The following SV2C variants were observed in gnomAD, a reference collection of about 807,000 sequenced individuals.
The protein encoded by SV2C is solute carrier family 22 member B3.
SV2C carries 49 observed loss-of-function variants against 79.7 expected under a neutral mutation model. The ratio of observed to expected loss-of-function variants is 0.61; its 90% CI spans 0.49 to 0.78. The LOEUF (loss-of-function observed/expected upper bound fraction) is 0.78, where lower values mean the gene tolerates loss of function less well. Ranked by LOEUF, SV2C falls within the 30% of genes least tolerant of loss-of-function variation. SV2C has a pLI of 0.00. For synonymous variants in SV2C, 334 were observed against 333.2 expected (o/e 1.00, Z -0.03); for missense variants, 833 against 912.9 (o/e 0.91, Z 1.13).
rs186187838 is a variant in SV2C at position 76,295,063 on chromosome 5, T to C, written c.1338-715T>C. Among the ~76,000 whole-genome samples, 14 of 152,274 alleles carry C rather than the reference T, an allele frequency of 9.2e-5. No homozygotes were observed. In the East Asian group the frequency reaches 2.5e-3, roughly 27 times the overall value. ...GAGCAGACTGGAATGATGAGAAAGA[T>C]ATTGGGGCCAGGATGTCAGATGTCT... On this transcript the variant is annotated intron_variant, in intron 8 of 12. Coordinates refer to ENST00000502798, the MANE Select transcript of SV2C (RefSeq NM_014979.4).
chr5:75,918,293 C>T, the SV2C span, among the ~76,000 whole-genome samples: 97 of 152,294 alleles, frequency 6.4e-4, no homozygotes, highest in Middle Eastern at 3.4e-3. Flanking sequence ...ACAACGATTG[C>T]AGACAAATTT....
At chr5:76,130,145 TAAAAAAAAAA>T (rs375351450) in intron 1 of SV2C, among the ~76,000 whole-genome samples, 73 of 67,834 alleles carry the variant, frequency 1.1e-3, no homozygotes, top group African/African-American at 5.8e-3. Flanking sequence ...TCTCAGTTCT[TAAAAAAAAAA>T]AAAAAAAAAA....
intron 4 of SV2C, chr5:76,242,369 CG>C (rs1409812382): frequency 5.6e-6 from 6 of 1,078,532 alleles, no homozygotes; most frequent in African/African-American, 1.6e-5. Flanking sequence ...TTGGTCGGAC[CG>C]GGGGTCGTTC....
chr5:75,887,438 T>C, the SV2C span, among the ~76,000 whole-genome samples: 1 of 151,950 alleles, frequency 6.6e-6, no homozygotes, highest in Non-Finnish European at 1.5e-5. Context: ...ATTCCACATG[T>C]AAGTGAGATC....
At chr5:76,047,152 C>T in the SV2C span, among the ~76,000 whole-genome samples, 1 of 152,112 alleles carries the variant, frequency 6.6e-6, no homozygotes, top group Admixed American at 6.5e-5. Flanking sequence ...AAGCGTACAG[C>T]TTGATGAATG....
At chr5:76,080,163 A>C (rs368956509), upstream of SV2C, among the ~76,000 whole-genome samples, 6 of 152,120 alleles carry the variant, frequency 3.9e-5, no homozygotes, top group African/African-American at 1.4e-4. Flanking sequence ...TCTTTCACCC[A>C]ATATTGACTT....
chr5:76,014,669 T>G, the SV2C span, among the ~76,000 whole-genome samples: 1 of 151,994 alleles, frequency 6.6e-6, no homozygotes, highest in Non-Finnish European at 1.5e-5. Flanking sequence ...CGCACACACA[T>G]GCATGGACAC....
chr5:76,238,027 TACACACACACACACACACACACACACAC>T (rs796926428), intron 4 of SV2C, among the ~76,000 whole-genome samples: 5 of 122,928 alleles, frequency 4.1e-5, no homozygotes, highest in African/African-American at 1.3e-4. Flanking sequence ...CAATCACACA[TACACACACACACACACACACACACACAC>T]ACACACACAC....
intron 4 of SV2C, among the ~76,000 whole-genome samples, chr5:76,245,795 T>C (rs961373934): frequency 2.0e-5 from 3 of 152,142 alleles, no homozygotes; most frequent in Non-Finnish European, 2.9e-5. Context: ...GATGGAATTA[T>C]TGGAGCCAGG....
At chr5:76,335,676 A>G (rs557158958), downstream of SV2C, among the ~76,000 whole-genome samples, 197 of 151,692 alleles carry the variant, frequency 1.3e-3, no homozygotes, top group African/African-American at 4.3e-3. Context: ...ATCTTGCACC[A>G]CCCTTAATCC....
intron 4 of SV2C, among the ~76,000 whole-genome samples, chr5:76,283,094 C>A (rs1747246507): frequency 1.3e-5 from 2 of 152,018 alleles, no homozygotes. Context: ...GTGGGCAGAT[C>A]ACGAGATCAG....
At chr5:75,919,484 A>G in the SV2C span, among the ~76,000 whole-genome samples, 1 of 152,224 alleles carries the variant, frequency 6.6e-6, no homozygotes, top group African/African-American at 2.4e-5. Flanking sequence ...ATTTCAAATA[A>G]TATTATTGCT....
intron 1 of SV2C, among the ~76,000 whole-genome samples, chr5:76,116,858 A>G (rs1321083286): frequency 1.3e-5 from 2 of 152,284 alleles, no homozygotes; most frequent in East Asian, 3.9e-4. Context: ...CTACTTAGGG[A>G]CAGGAATCCA....
chr5:75,970,340 C>A, the SV2C span, among the ~76,000 whole-genome samples: 7 of 151,860 alleles, frequency 4.6e-5, no homozygotes, highest in South Asian at 2.1e-4. Flanking sequence ...GAACTGAAGG[C>A]AATAGAGACA....
the SV2C span, chr5:75,920,640 TG>T: frequency 1.6e-5 from 8 of 508,186 alleles, no homozygotes; most frequent in Middle Eastern, 5.7e-4. Flanking sequence ...GAGTGGGTGG[TG>T]GGGGGTGGGT....
At chr5:76,337,366 A>G (rs1265476201), downstream of SV2C, among the ~76,000 whole-genome samples, 1 of 152,134 alleles carries the variant, frequency 6.6e-6, no homozygotes, top group African/African-American at 2.4e-5. Flanking sequence ...TACCTATACT[A>G]ATGACTTCTT....
intron 12 of SV2C, chr5:76,353,023 T>A (rs1749671686): frequency 2.4e-6 from 1 of 422,948 alleles, no homozygotes; most frequent in Non-Finnish European, 4.7e-6. Context: ...TAGCTCACTA[T>A]AATCTTAACT....
chr5:76,003,907 A>G, the SV2C span, among the ~76,000 whole-genome samples: 1 of 152,128 alleles, frequency 6.6e-6, no homozygotes, highest in East Asian at 1.9e-4. Flanking sequence ...AAGCTGAGAG[A>G]GAGAACTAAA....
Position 76,299,988 on chromosome 5 carries a change from A to G in SV2C, c.1637-741A>G, listed in dbSNP as rs953655856. Among the ~76,000 whole-genome samples the G allele has an allele frequency of 3.9e-5, 6 of 152,004 alleles. No individual in the cohort carries two copies. In the East Asian group the frequency reaches 1.2e-3, roughly 29 times the overall value. ...CATGCACATAGACTTTAAATTATAA[A>G]TTCAGCCTCAGGAAAGACTTGTTCC... On this transcript the variant is annotated intron_variant, in intron 10 of 12. Coordinates refer to ENST00000502798, the MANE Select transcript of SV2C (RefSeq NM_014979.4).
Sources: gnomAD v4.1 joint callset for allele counts (sites outside exome capture counted in the v4.1 genomes callset) on GRCh38, gnomAD v4.1.1 for gene constraint, MANE v1.5 for transcripts, NCBI Gene and HGNC (gene_info 2026-07-23, HGNC 2026-07-21) for gene names.